The following PORCN variants were observed in gnomAD, a reference collection of about 807,000 sequenced individuals.
PORCN encodes porcupine O-acyltransferase, also known as protein-serine O-palmitoleoyltransferase porcupine.
PORCN carries 1 observed loss-of-function variant against 43.0 expected under a neutral mutation model. That is an observed-to-expected ratio of 0.02 (90% CI 0.01 to 0.11). The LOEUF (loss-of-function observed/expected upper bound fraction) is 0.11. Among genes scored for constraint, PORCN ranks in the 10% least tolerant of loss-of-function variants. The pLI, the probability that PORCN is intolerant of heterozygous loss-of-function variation, is 1.00. For missense variants in PORCN, 240 were observed against 392.1 expected (o/e 0.61, Z 3.28); for synonymous variants, 148 against 166.4 (o/e 0.89, Z 0.85).
chrX:48,517,813 A>C (rs1392258696), intron 14 of PORCN, among the ~76,000 whole-genome samples: 4 of 110,318 alleles, frequency 3.6e-5, no homozygotes, highest in African/African-American at 1.3e-4. Context: ...GACTCTCTCA[A>C]AAAAAAAAAT....
chrX:48,515,320 T>G, intron 10 of PORCN: 1 of 266,633 alleles, frequency 3.8e-6, no homozygotes. Flanking sequence ...GATGCAGCAG[T>G]GAGGAGGCCG....
chrX:48,511,004 C>T (rs972865054), intron 2 of PORCN, among the ~76,000 whole-genome samples: 1 of 111,706 alleles, frequency 9.0e-6, no homozygotes, highest in African/African-American at 3.3e-5. Context: ...TTCCAAGGTC[C>T]CCCAAATGCC....
intron 14 of PORCN, among the ~76,000 whole-genome samples, chrX:48,517,563 A>G (rs1414391454): frequency 1.8e-5 from 2 of 112,582 alleles, no homozygotes; most frequent in African/African-American, 6.4e-5. Context: ...CACGCCTACA[A>G]TCCCAGCACT....
chrX:48,511,204 C>T, intron 2 of PORCN, 91 bp from the exon 3 acceptor site: 1 of 586,040 alleles, frequency 1.7e-6, no homozygotes, highest in Non-Finnish European at 2.8e-6. Flanking sequence ...CTCCCTCTCT[C>T]TCTCCCTCCC....
At chrX:48,509,180 G>C in intron 1 of PORCN, 77 bp downstream of exon 1, 1 of 163,582 alleles carries the variant, frequency 6.1e-6, no homozygotes, top group Non-Finnish European at 1.2e-5. Flanking sequence ...TCTGTAGCGC[G>C]AGTGCTAGGA....
At chrX:48,516,369 T>C (rs1306919246) in intron 13 of PORCN, 5 of 453,845 alleles carry the variant, frequency 1.1e-5, no homozygotes, top group African/African-American at 2.4e-5. Context: ...TGAACATCCG[T>C]TGAGTGCCTG....
At chrX:48,519,224 T>A (rs1160240355) in intron 14 of PORCN, among the ~76,000 whole-genome samples, 1 of 111,658 alleles carries the variant, frequency 9.0e-6, no homozygotes, top group Non-Finnish European at 1.9e-5. Context: ...CCCAAAGTGC[T>A]GAGATTGCAG....
Position 48,512,869 on chromosome X carries a change from G to A in PORCN, c.704+17G>A. On this transcript the variant is annotated intron_variant, in intron 7 of 14. Transcript: ENST00000326194. ...CAAAGCCAGGTAAATGAGGGCAGGT[G>A]TGAGGGCACGTGGAGTGGGGCTGAC... 8.3e-7 allele frequency: 1 copy of A among 1,211,571 alleles called. No individual in the cohort carries two copies. Among genetic ancestry groups the A allele is most frequent in the Non-Finnish European group, 1.1e-6 (1 of 894,985 alleles).
intron 14 of PORCN, 132 bp downstream of exon 14, chrX:48,517,425 G>A: frequency 4.1e-6 from 2 of 492,380 alleles, no homozygotes; most frequent in Admixed American, 3.0e-5. Flanking sequence ...GGCAGCCAGT[G>A]CTCCTCGGTC....
chrX:48,512,448 G>A lies in PORCN; in HGVS notation c.496G>A (p.Val166Ile), dbSNP rs986541030. ...MGYLYFVGTI[V>I]FGPWISFHSY... ...CTACCTCTACTTCGTGGGCACCATC[G>A]TCTTCGGGCCCTGGATATCCTTCCA... Residue 166 changes from valine to isoleucine, a missense_variant, in exon 5 of 15, where the codon GTC (valine) becomes ATC (isoleucine). By Grantham distance (29) the Val-to-Ile change is conservative. Coordinates refer to ENST00000326194, the MANE Select transcript of PORCN (RefSeq NM_203475.3). The A allele has an allele frequency of 5.0e-6, 6 of 1,209,776 alleles. No homozygotes were observed. The highest frequency in any genetic ancestry group is 3.0e-5 in the East Asian group (1 of 33,761).
intron 4 of PORCN, 177 bp from the exon 5 acceptor site, chrX:48,512,149 C>T: frequency 1.8e-6 from 1 of 563,362 alleles, no homozygotes. Context: ...GTGCCTGACT[C>T]TCTGGAGTAA....
Position 48,512,388 on chromosome X carries a change from G to A in PORCN, c.436G>A (p.Val146Met). Residue 146 changes from valine to methionine, a missense_variant, in exon 5 of 15, where the codon GTG becomes ATG. By Grantham distance (21) the Val-to-Met change is conservative. Coordinates refer to ENST00000326194, the MANE Select transcript of PORCN (RefSeq NM_203475.3). ...SLGFDLDRGE[V>M]GTVPSPVEFM... ...GGGCTTCGACCTGGACCGGGGCGAG[G>A]TGGGTACGGTGCCCTCGCCAGTGGA... The A allele has an allele frequency of 4.1e-6, 5 of 1,211,925 alleles. No homozygotes were observed. The East Asian group carries it at 1.5e-4, about 36-fold the overall frequency.
At chrX:48,510,281 A>G (rs1230933889) in intron 2 of PORCN, among the ~76,000 whole-genome samples, 1 of 112,009 alleles carries the variant, frequency 8.9e-6, no homozygotes. Context: ...CTACATCCCA[A>G]GGTTATAAGA....
At chrX:48,518,099 A>G (rs2061732953) in intron 14 of PORCN, among the ~76,000 whole-genome samples, 1 of 108,292 alleles carries the variant, frequency 9.2e-6, no homozygotes, top group South Asian at 3.9e-4. Flanking sequence ...TTTTTTGTAG[A>G]GACAGGGTCT....
intron 10 of PORCN, chrX:48,515,314 C>T: frequency 3.8e-6 from 1 of 266,162 alleles, no homozygotes; most frequent in Non-Finnish European, 6.9e-6. Context: ...ATCGAGGATG[C>T]AGCAGTGAGG....
At chrX:48,520,273 C>G in intron 14 of PORCN, 102 bp from the exon 15 acceptor site, 1 of 614,585 alleles carries the variant, frequency 1.6e-6, no homozygotes, top group Admixed American at 2.4e-5. Flanking sequence ...TGCGGGGCCT[C>G]GCCTAGAGCA....
chrX:48,516,318 G>A (rs2061717239), intron 13 of PORCN, 172 bp downstream of exon 13: 11 of 504,492 alleles, frequency 2.2e-5, no homozygotes, highest in Middle Eastern at 5.2e-4. Context: ...GGCATTTATC[G>A]AGCATCTGCT....
At chrX:48,514,936 T>A in intron 10 of PORCN, among the ~76,000 whole-genome samples, 1 of 111,233 alleles carries the variant, frequency 9.0e-6, no homozygotes, top group Non-Finnish European at 1.9e-5. Context: ...CCAGGGCAAG[T>A]CTCCCTGAGG....
intron 7 of PORCN, among the ~76,000 whole-genome samples, chrX:48,513,702 A>AG (rs1491289577): frequency 3.0e-4 from 34 of 112,211 alleles, no homozygotes; most frequent in African/African-American, 8.1e-4. Context: ...TACAACTAGT[A>AG]GGGGGGGTGT....
Sources: allele counts gnomAD v4.1 joint callset (sites outside exome capture counted in the v4.1 genomes callset), GRCh38; gene constraint gnomAD v4.1.1; transcripts MANE v1.5; gene names NCBI Gene and HGNC (gene_info 2026-07-23, HGNC 2026-07-21).